Variants in PLCH1 observed in about 807,000 individuals in gnomAD.
The protein encoded by PLCH1 is phospholipase C eta 1.
PLCH1 carries 60 observed loss-of-function variants against 126.7 expected under a neutral mutation model. The ratio of observed to expected loss-of-function variants is 0.47; its 90% CI spans 0.38 to 0.59. The LOEUF (loss-of-function observed/expected upper bound fraction) is 0.59. Ranked by LOEUF, PLCH1 falls within the 20% of genes least tolerant of loss-of-function variation. The pLI, the probability that PLCH1 is intolerant of heterozygous loss-of-function variation, is 0.00. For synonymous variants in PLCH1, 719 were observed against 734.9 expected, an observed-to-expected ratio of 0.98 and a Z score of 0.35; for missense variants, 1,723 against 2,040.0, an observed-to-expected ratio of 0.84 and a Z score of 2.99.
intron 2 of PLCH1, among the ~76,000 whole-genome samples, chr3:155,700,334 CAAAGTA>C (rs910378961): frequency 1.3e-5 from 2 of 152,040 alleles, no homozygotes; most frequent in African/African-American, 2.4e-5. Context: ...AGTTCTGAGG[CAAAGTA>C]AAAGTATTAA....
chr3:155,542,531 C>A (rs565252203), intron 10 of PLCH1, among the ~76,000 whole-genome samples: 25 of 152,210 alleles, frequency 1.6e-4, no homozygotes, highest in African/African-American at 6.0e-4. Flanking sequence ...TTGAAGAGAG[C>A]AGTGGTTCTC....
chr3:155,668,084 CAAAA>C (rs756879174), intron 2 of PLCH1, among the ~76,000 whole-genome samples: 2 of 38,004 alleles, frequency 5.3e-5, no homozygotes, highest in South Asian at 9.2e-4. Context: ...GACTCCATCT[CAAAA>C]AAAAAAAAAA....
intron 8 of PLCH1, among the ~76,000 whole-genome samples, chr3:155,563,849 T>G (rs1022847731): frequency 1.3e-5 from 2 of 152,122 alleles, no homozygotes; most frequent in Non-Finnish European, 2.9e-5. Flanking sequence ...CATCACATTT[T>G]ACCTCGCACT....
chr3:155,465,683 T>C (rs1712903551), intron 21 of PLCH1, among the ~76,000 whole-genome samples: 1 of 151,304 alleles, frequency 6.6e-6, no homozygotes, highest in African/African-American at 2.4e-5. Context: ...GTTCTTGGGG[T>C]TCCCAATTCT....
intron 10 of PLCH1, among the ~76,000 whole-genome samples, chr3:155,537,186 CAAAAAAAAAAAAAACCAAAAAAAAAAA>C (rs1723476898): frequency 2.7e-5 from 1 of 37,276 alleles, no homozygotes; most frequent in African/African-American, 9.0e-5. Context: ...GCTAGCACTA[CAAAAAAAAAAAAAACCAAAAAAAAAAA>C]AAAAAAAAAA....
intron 9 of PLCH1, among the ~76,000 whole-genome samples, chr3:155,553,091 T>G (rs1206386472): frequency 6.6e-6 from 1 of 152,184 alleles, no homozygotes; most frequent in East Asian, 1.9e-4. Context: ...GATACTCAGA[T>G]GAATATTCAC....
chr3:155,711,079 C>A (rs1461309534), intron 1 of PLCH1, among the ~76,000 whole-genome samples: 1 of 150,062 alleles, frequency 6.7e-6, no homozygotes, highest in African/African-American at 2.5e-5. Flanking sequence ...TATACTTCTA[C>A]AGAACATAAA....
In PLCH1 at chr3:155,458,472, AAGAAAGAAAGAAAGAAAGAAAGAAAG is replaced by A. The variant is rs1317636131; in HGVS notation, c.2938+26858_2938+26883del. ...AAGGAAGGAAAGAAAGAAAGAAAGA[AAGAAAGAAAGAAAGAAAGAAAGAAAG>A]AGAAAGAAGAGAGAGAAATAAGAAA... is the stretch of plus-strand genomic sequence containing the variant. On this transcript the variant is annotated intron_variant, in intron 21 of 21. Transcript: ENST00000494598. 2.6e-3 allele frequency among the ~76,000 whole-genome samples: 288 copies of A among 110,044 alleles called. 21 individuals are homozygous for A. Among genetic ancestry groups the A allele is most frequent in the African/African-American group, 0.02 (274 of 13,408 alleles). The allele number at this position is 110,044 out of a possible 152,430, so 72.2% of individuals were successfully genotyped here. A position where few individuals can be genotyped will look rare whatever the true frequency, so the allele number is the denominator to read the frequency against.
intron 2 of PLCH1, among the ~76,000 whole-genome samples, chr3:155,690,538 A>G (rs1285645252): frequency 3.3e-5 from 5 of 152,298 alleles, no homozygotes; most frequent in African/African-American, 1.2e-4. Context: ...TATGTTTTAG[A>G]CACAGAGATT....
chr3:155,458,484 AAGAAAGAAAGAAAG>A (rs1418133308), intron 21 of PLCH1, among the ~76,000 whole-genome samples: 1,135 of 111,566 alleles, frequency 0.01, 157 homozygotes, highest in African/African-American at 0.072. Context: ...GAAAGAAAGA[AAGAAAGAAAGAAAG>A]AGAAAGAAGA....
chr3:155,567,265 G>A (rs1169000184), intron 7 of PLCH1, among the ~76,000 whole-genome samples: 1 of 151,922 alleles, frequency 6.6e-6, no homozygotes, highest in Non-Finnish European at 1.5e-5. Context: ...TAGAGATGGG[G>A]TTTCACCATG....
chr3:155,494,663 C>T (rs1174282257), intron 15 of PLCH1, 146 bp from the exon 16 acceptor site: 3 of 653,172 alleles, frequency 4.6e-6, no homozygotes, highest in Admixed American at 2.9e-5. Flanking sequence ...AGAGGCAGCT[C>T]CTCAACAGAA....
At chr3:155,631,924 T>C (rs1738084500) in intron 2 of PLCH1, among the ~76,000 whole-genome samples, 1 of 149,552 alleles carries the variant, frequency 6.7e-6, no homozygotes, top group Non-Finnish European at 1.5e-5. Flanking sequence ...TTTTTTGTCT[T>C]GAAGCACTTG....
At chr3:155,740,133 A>G (rs358747) in intron 1 of PLCH1, among the ~76,000 whole-genome samples, 45,486 of 152,046 alleles carry the variant, frequency 0.3, 7,769 homozygotes, top group African/African-American at 0.45. Flanking sequence ...ACTGTTGGCT[A>G]GGTGCGATGA....
chr3:155,519,496 C>A (rs775422098), intron 11 of PLCH1, among the ~76,000 whole-genome samples: 11 of 152,032 alleles, frequency 7.2e-5, no homozygotes, highest in Non-Finnish European at 1.3e-4. Context: ...TGCCCCAAAC[C>A]ACAACCATCA....
intron 13 of PLCH1, 113 bp downstream of exon 13, chr3:155,504,442 C>T (rs1444568037): frequency 1.7e-5 from 10 of 604,230 alleles, no homozygotes; most frequent in East Asian, 5.4e-5. Context: ...CCTTTGCTGA[C>T]GTGCTGGTTA....
In PLCH1 at chr3:155,607,293, C is replaced by T. The variant is rs569782862; in HGVS notation, c.80-10915G>A. 1.8e-4 allele frequency among the ~76,000 whole-genome samples: 27 copies of T among 151,858 alleles called. 1 individual carries two copies. The South Asian group carries it at 4.6e-3, about 26-fold the overall frequency. On this transcript the variant is annotated intron_variant, in intron 2 of 22. Transcript: ENST00000460012. ...TTCTGTTTGTCTGTGTATTTATATG[C>T]GTTGCCTGTATGATATTTATATAAA... is the stretch of plus-strand genomic sequence containing the variant.
intron 2 of PLCH1, among the ~76,000 whole-genome samples, chr3:155,620,260 C>A (rs940106755): frequency 6.6e-6 from 1 of 152,182 alleles, no homozygotes; most frequent in African/African-American, 2.4e-5. Flanking sequence ...TAAACTATAA[C>A]CCTCTGCATA....
intron 6 of PLCH1, among the ~76,000 whole-genome samples, chr3:155,578,965 G>A (rs1240165715): frequency 2.0e-5 from 3 of 152,220 alleles, no homozygotes; most frequent in African/African-American, 7.2e-5. Flanking sequence ...GAGGTGCCAA[G>A]AAAAGTGTGA....
Sources: allele counts gnomAD v4.1 joint callset (sites outside exome capture counted in the v4.1 genomes callset), GRCh38; gene constraint gnomAD v4.1.1; transcripts MANE v1.5; gene names NCBI Gene and HGNC (gene_info 2026-07-23, HGNC 2026-07-21).